Variants in DTL observed in about 807,000 individuals in gnomAD.
DTL encodes the protein denticleless E3 ubiquitin protein ligase adapter, also known as denticleless protein homolog.
In DTL, 46 loss-of-function variants were observed where a neutral mutation model predicts 87.0. The ratio of observed to expected loss-of-function variants is 0.53; its 90% CI spans 0.42 to 0.68. DTL has a LOEUF of 0.68. DTL is among the 30% of genes least tolerant of loss of function. The probability of loss-of-function intolerance (pLI) is 0.00; values close to 1 mark genes in which losing one functional copy is unlikely to be tolerated. For synonymous variants in DTL, 308 were observed against 311.2 expected (o/e 0.99, Z 0.11); for missense variants, 737 against 869.4 (o/e 0.85, Z 1.91).
intron 1 of DTL, 144 bp from the exon 2 acceptor site, chr1:212,042,849 T>C (rs895875220): frequency 1.7e-5 from 12 of 703,448 alleles, no homozygotes; most frequent in Non-Finnish European, 2.5e-5. Flanking sequence ...ATAACAGAAA[T>C]GGTGTCTTCC....
rs576034116 is a variant in DTL, at chr1:212,092,880, A to G, written c.1262-7372A>G. ...AGTGGTTGTACTAGTTTACATTCCC[A>G]CCAGCAGTGTAAAAGTGTTCCCTTT... On this transcript the variant is annotated intron_variant, in intron 13 of 14. Transcript: ENST00000366991. Among the ~76,000 whole-genome samples, 488 of 152,280 alleles carry G rather than the reference A, an allele frequency of 3.2e-3. 2 individuals carry two copies. Among genetic ancestry groups the G allele is most frequent in the Non-Finnish European group, 4.9e-3 (333 of 68,026 alleles).
At chr1:212,037,859 T>A (rs1338062060) in intron 1 of DTL, among the ~76,000 whole-genome samples, 1 of 152,232 alleles carries the variant, frequency 6.6e-6, no homozygotes, top group Non-Finnish European at 1.5e-5. Flanking sequence ...ATATGGCAGC[T>A]CACTGAGCCC....
At chr1:212,076,972 T>C (rs902757881) in intron 11 of DTL, among the ~76,000 whole-genome samples, 18 of 152,308 alleles carry the variant, frequency 1.2e-4, no homozygotes, top group African/African-American at 3.6e-4. Flanking sequence ...TATGTACCAT[T>C]TAAGCCAAGA....
At chr1:212,063,113 G>A (rs560904235) in intron 6 of DTL, among the ~76,000 whole-genome samples, 164 bp downstream of exon 6, 1 of 152,186 alleles carries the variant, frequency 6.6e-6, no homozygotes, top group Non-Finnish European at 1.5e-5. Context: ...TGAGTGTCCT[G>A]AGTGATAAAT....
At chr1:212,053,877 A>G (rs1280496221) in intron 5 of DTL, among the ~76,000 whole-genome samples, 1 of 152,222 alleles carries the variant, frequency 6.6e-6, no homozygotes. Flanking sequence ...TATCTGGATT[A>G]TCTTGGGATT....
At chr1:212,099,589 C>T (rs1655552560) in intron 13 of DTL, 1 of 152,424 alleles carries the variant, frequency 6.6e-6, no homozygotes, top group Admixed American at 6.5e-5. Context: ...CAGGGGAGCA[C>T]ATTTACTCGT....
chr1:212,084,037 A>C (rs1334021930), intron 13 of DTL, among the ~76,000 whole-genome samples: 1 of 152,196 alleles, frequency 6.6e-6, no homozygotes, highest in East Asian at 1.9e-4. Context: ...TGAAGGTGAG[A>C]AAGGGAAAAT....
intron 1 of DTL, among the ~76,000 whole-genome samples, chr1:212,039,188 AATT>A (rs1667570383): frequency 6.6e-6 from 1 of 152,220 alleles, no homozygotes; most frequent in Admixed American, 6.5e-5. Context: ...TTTTCAATTC[AATT>A]ATTAGTACTA....
intron 13 of DTL, among the ~76,000 whole-genome samples, chr1:212,087,392 CA>C (rs780944964): frequency 1.6e-4 from 24 of 151,348 alleles, no homozygotes; most frequent in Non-Finnish European, 3.1e-4. Flanking sequence ...ACTAAAAATA[CA>C]AAAAAAATTA....
intron 5 of DTL, among the ~76,000 whole-genome samples, chr1:212,058,169 A>G (rs1668236214): frequency 6.6e-6 from 1 of 152,178 alleles, no homozygotes; most frequent in African/African-American, 2.4e-5. Context: ...ATCTAGAAAG[A>G]AAATTGGATT....
chr1:212,045,131 A>G (rs1667770052), intron 3 of DTL, among the ~76,000 whole-genome samples: 2 of 152,210 alleles, frequency 1.3e-5, no homozygotes, highest in Non-Finnish European at 2.9e-5. Context: ...TAATCTGTTC[A>G]TGAGGGATCC....
At chr1:212,076,193 A>G (rs569874629) in intron 11 of DTL, among the ~76,000 whole-genome samples, 2 of 152,278 alleles carry the variant, frequency 1.3e-5, no homozygotes, top group Admixed American at 1.3e-4. Flanking sequence ...CTTGTTTAAC[A>G]TAGGTTTTTA....
At position 212,061,455 on chromosome 1, in the gene DTL, A is replaced by G. The variant is rs147404264; in HGVS notation, c.461-1429A>G. On this transcript the variant is annotated intron_variant, in intron 5 of 14. Transcript: ENST00000366991. ...AGAACTCTTGTACACTGTTGGTGGA[A>G]ATGTAAATTAGTCCAGTCACTATGG... Among the ~76,000 whole-genome samples, 465 of 151,828 alleles carry G rather than the reference A, an allele frequency of 3.1e-3. 2 individuals carry two copies. The highest frequency in any genetic ancestry group is 3.6e-3 in the Non-Finnish European group (245 of 67,946).
chr1:212,081,235 T>C (rs1654982934), intron 13 of DTL, among the ~76,000 whole-genome samples: 1 of 152,142 alleles, frequency 6.6e-6, no homozygotes, highest in Admixed American at 6.5e-5. Flanking sequence ...AAAGATGGCA[T>C]TTGAGTAAAG....
Position 212,068,614 on chromosome 1 carries a change from T to C in DTL, c.833T>C (p.Ile278Thr), listed in dbSNP as rs776222903. ...CTTTTTCCAGGATATTCAAGTCTGA[T>C]TTTGGATTCCACTGGCTCTACTTTA... ...STRKLGYSSL[I>T]LDSTGSTLFA... The change falls in exon 10 of 15, where the codon ATT becomes ACT. Residue 278 changes from isoleucine to threonine, a missense_variant. Coordinates refer to ENST00000366991, the MANE Select transcript of DTL (RefSeq NM_016448.4). 10 of 1,611,238 alleles carry C rather than the reference T, an allele frequency of 6.2e-6. No homozygotes were observed. Among genetic ancestry groups the C allele is most frequent in the Non-Finnish European group, 5.9e-6 (7 of 1,177,714 alleles).
intron 14 of DTL, among the ~76,000 whole-genome samples, chr1:212,102,530 G>A (rs959913148): frequency 6.6e-6 from 1 of 152,054 alleles, no homozygotes; most frequent in African/African-American, 2.4e-5. Flanking sequence ...AATTGGGGGG[G>A]CTGATTTATT....
chr1:212,044,800 CT>C, intron 3 of DTL, 42 bp downstream of exon 3: 1 of 1,111,336 alleles, frequency 9.0e-7, no homozygotes, highest in Non-Finnish European at 1.4e-6. Flanking sequence ...ATTTAAAAAA[CT>C]TTACACATCC....
chr1:212,043,828 CAAAAAAAAAA>C (rs35962372), intron 2 of DTL, among the ~76,000 whole-genome samples: 5 of 83,700 alleles, frequency 6.0e-5, no homozygotes, highest in African/African-American at 2.0e-4. Flanking sequence ...ACTTCATCTC[CAAAAAAAAAA>C]AAAAAAAAGA....
rs114542488 is a variant in DTL, at chr1:212,102,330, A to G, written c.2095-512A>G. On this transcript the variant is annotated intron_variant, in intron 14 of 14. Coordinates refer to ENST00000366991, the MANE Select transcript of DTL (RefSeq NM_016448.4). Reference sequence around the variant, plus strand: ...GGTCTCAGCTATGTGTTAGCAGAAAAGTAGTTTCAATGAAAAACTATTTTC... The same window carrying G: ...GGTCTCAGCTATGTGTTAGCAGAAAGGTAGTTTCAATGAAAAACTATTTTC... Among the ~76,000 whole-genome samples the G allele has an allele frequency of 5.4e-3, 818 of 152,306 alleles. 4 individuals are homozygous for G. Among genetic ancestry groups the G allele is most frequent in the African/African-American group, 0.019 (775 of 41,560 alleles).
Sources: gnomAD v4.1 joint callset for allele counts (sites outside exome capture counted in the v4.1 genomes callset) on GRCh38, gnomAD v4.1.1 for gene constraint, MANE v1.5 for transcripts, NCBI Gene and HGNC (gene_info 2026-07-23, HGNC 2026-07-21) for gene names.